Variants in MAP2 observed in about 807,000 individuals in gnomAD.
MAP2 encodes the protein microtubule-associated protein 2.
In MAP2, 14 loss-of-function variants were observed where a neutral mutation model predicts 137.6. The observed-to-expected ratio is 0.10, with a 90% CI of 0.07 to 0.16. MAP2 has a LOEUF of 0.16. Among genes scored for constraint, MAP2 ranks in the 10% least tolerant of loss-of-function variants. The pLI is 1.00. For synonymous variants in MAP2, 786 were observed against 782.3 expected, an observed-to-expected ratio of 1.00 and a Z score of -0.08; for missense variants, 2,088 against 2,191.5, an observed-to-expected ratio of 0.95 and a Z score of 0.94.
chr2:209,636,427 G>A (rs958347905), intron 4 of MAP2, among the ~76,000 whole-genome samples: 1 of 152,054 alleles, frequency 6.6e-6, no homozygotes, highest in Admixed American at 6.6e-5. Context: ...TTTTGAGCCT[G>A]TGTGTTCCTT....
At chr2:209,653,623 TC>T (rs145814695) in intron 5 of MAP2, among the ~76,000 whole-genome samples, 191 bp downstream of exon 5, 1 of 152,330 alleles carries the variant, frequency 6.6e-6, no homozygotes, top group East Asian at 1.9e-4. Context: ...TTATCTGTAT[TC>T]TCAATCCCAT....
chr2:209,618,784 T>C (rs971143031), intron 3 of MAP2, among the ~76,000 whole-genome samples: 3 of 152,150 alleles, frequency 2.0e-5, no homozygotes, highest in Non-Finnish European at 4.4e-5. Context: ...CTACTGGATA[T>C]ATATCCAAAG....
At chr2:209,683,315 C>G (rs1183069108) in intron 7 of MAP2, among the ~76,000 whole-genome samples, 1 of 152,144 alleles carries the variant, frequency 6.6e-6, no homozygotes, top group Non-Finnish European at 1.5e-5. Context: ...TCAAGCCAAA[C>G]TTGTGTTTTT....
Position 209,700,283 on chromosome 2 carries a change from G to C in MAP2, c.4529G>C (p.Gly1510Ala). Reference protein sequence around the residue: ...SCVKRKTTAAGGESALAPSVF... With the variant: ...SCVKRKTTAAAGESALAPSVF... ...TGTCTTTTATTTTCAACAGCAGCAG[G>C]TGGGGAATCAGCTCTGGCTCCCAGT... The change falls in exon 11 of 16, where the codon GGT (glycine) becomes GCT (alanine). Residue 1510 changes from glycine to alanine, a missense_variant. This residue lies in a region of MAP2 where 591 missense variants were observed against 642.6 expected (regional missense o/e 0.92). Coordinates refer to ENST00000682079, the MANE Select transcript of MAP2 (RefSeq NM_001375505.1). The C allele has an allele frequency of 1.2e-6, 2 of 1,613,274 alleles. No homozygotes were observed. The highest frequency in any genetic ancestry group is 4.5e-5 in the East Asian group (2 of 44,846).
At chr2:209,493,536 C>G (rs2059386496) in intron 1 of MAP2, among the ~76,000 whole-genome samples, 1 of 152,142 alleles carries the variant, frequency 6.6e-6, no homozygotes, top group Non-Finnish European at 1.5e-5. Context: ...GCTATCTATC[C>G]ATCTGACAAA....
chr2:209,601,128 T>G (rs1013286049), intron 3 of MAP2, among the ~76,000 whole-genome samples: 1 of 152,186 alleles, frequency 6.6e-6, no homozygotes, highest in Admixed American at 6.5e-5. Flanking sequence ...TGTAAAATAC[T>G]TAGTCAAGTG....
At chr2:209,618,566 A>G (rs886313354) in intron 3 of MAP2, among the ~76,000 whole-genome samples, 1 of 152,158 alleles carries the variant, frequency 6.6e-6, no homozygotes, top group African/African-American at 2.4e-5. Context: ...ACCTGCATTA[A>G]TTTATTCTAC....
chr2:209,500,746 C>A (rs538439300), intron 1 of MAP2, among the ~76,000 whole-genome samples: 27 of 151,956 alleles, frequency 1.8e-4, no homozygotes, highest in African/African-American at 5.3e-4. Flanking sequence ...CAAACAACAA[C>A]AAAAAAACCC....
intron 5 of MAP2, among the ~76,000 whole-genome samples, chr2:209,658,867 G>A (rs1251347076): frequency 6.6e-6 from 1 of 152,052 alleles, no homozygotes; most frequent in Non-Finnish European, 1.5e-5. Flanking sequence ...AAACTATTAT[G>A]GAAATATATA....
At chr2:209,462,699 C>T (rs1447219975) in intron 1 of MAP2, among the ~76,000 whole-genome samples, 1 of 152,080 alleles carries the variant, frequency 6.6e-6, no homozygotes, top group Non-Finnish European at 1.5e-5. Flanking sequence ...TTAAACTAAT[C>T]TAATTAGCTA....
intron 1 of MAP2, among the ~76,000 whole-genome samples, chr2:209,455,692 A>AT (rs1252813118): frequency 6.6e-6 from 1 of 152,182 alleles, no homozygotes; most frequent in Non-Finnish European, 1.5e-5. Flanking sequence ...ATATAAATAA[A>AT]TTTTTTAAGG....
At chr2:209,467,735 ACT>A (rs1305620112) in intron 1 of MAP2, among the ~76,000 whole-genome samples, 2 of 152,132 alleles carry the variant, frequency 1.3e-5, no homozygotes, top group African/African-American at 4.8e-5. Context: ...AAGAGCATGG[ACT>A]CTGCAGACAG....
chr2:209,638,522 ACGTTACTTATATATGACTAAT>A (rs1242765278), intron 4 of MAP2, among the ~76,000 whole-genome samples: 1 of 152,172 alleles, frequency 6.6e-6, no homozygotes, highest in African/African-American at 2.4e-5. Flanking sequence ...TATGACTCAT[ACGTTACTTATATATGACTAAT>A]ATTTACCTTT....
rs746843048 is a variant in MAP2 at position 209,695,166 on chromosome 2, C to G, written c.2996C>G (p.Ala999Gly). Residue 999 changes from alanine (A) to glycine (G), a missense_variant, in exon 8 of 16, where the codon GCT becomes GGT. By Grantham distance (60) the Ala-to-Gly change is moderately conservative. Around this residue, in one of 6 missense-constraint regions of MAP2, gnomAD observed 500 missense variants for 482.9 expected, o/e 1.04. Coordinates refer to ENST00000682079, the MANE Select transcript of MAP2 (RefSeq NM_001375505.1). Reference protein sequence around the residue: ...TFGLGVTYEQALAKDLSIPTD... With the variant: ...TFGLGVTYEQGLAKDLSIPTD... ...GGATTAGGAGTAACCTATGAGCAAG[C>G]TTTGGCCAAAGATTTGTCAATACCA... is the stretch of plus-strand genomic sequence containing the variant. 6 of 1,614,146 alleles carry G rather than the reference C, an allele frequency of 3.7e-6. No homozygotes were observed. Among genetic ancestry groups the G allele is most frequent in the East Asian group, 2.2e-5 (1 of 44,870 alleles).
intron 2 of MAP2, among the ~76,000 whole-genome samples, chr2:209,565,633 T>A (rs2073236056): frequency 6.6e-6 from 1 of 152,198 alleles, no homozygotes; most frequent in Non-Finnish European, 1.5e-5. Flanking sequence ...TATCCAAAGT[T>A]TTTTTCTTTT....
intron 4 of MAP2, among the ~76,000 whole-genome samples, chr2:209,645,487 A>G: frequency 6.6e-6 from 1 of 152,178 alleles, no homozygotes; most frequent in East Asian, 1.9e-4. Context: ...TATTCCAACA[A>G]ATCAGATTTT....
Position 209,696,137 on chromosome 2 carries a change from C to T in MAP2, c.3967C>T (p.Pro1323Ser). ...AGAGCAGCCTGAGGTGGAAAGGAGACCATCTCCTCATGATGAAGAAGAGTT... is the reference window on the plus strand; with the variant it reads ...AGAGCAGCCTGAGGTGGAAAGGAGATCATCTCCTCATGATGAAGAAGAGTT... ...ALEQPEVERR[P>S]SPHDEEEFEV... is the part of the protein sequence containing the mutation. The change falls in exon 8 of 16, where the codon CCA (proline) becomes TCA (serine). Residue 1323 changes from proline to serine, a missense_variant. Pro to Ser is a moderately conservative substitution (Grantham distance 74). Coordinates refer to ENST00000682079, the MANE Select transcript of MAP2 (RefSeq NM_001375505.1). 7 of 1,612,960 alleles carry T rather than the reference C, an allele frequency of 4.3e-6. No homozygotes were observed. In the South Asian group the frequency reaches 6.6e-5, roughly 15 times the overall value.
intron 7 of MAP2, among the ~76,000 whole-genome samples, chr2:209,682,524 A>T (rs1450207687): frequency 1.3e-5 from 2 of 152,114 alleles, no homozygotes; most frequent in Admixed American, 6.6e-5. Context: ...TATCTAGTGG[A>T]GAACAGAAAT....
rs571400417 is a variant in MAP2 at position 209,449,833 on chromosome 2, TGC to T, written c.-222+25558_-222+25559del. Reference sequence around the variant, plus strand: ...ATTGAAGGTTAGTGACACTTTTTATTGCTGTGTGTTGCAGGAGTATACTTGTA... The same window carrying T: ...ATTGAAGGTTAGTGACACTTTTTATTTGTGTGTTGCAGGAGTATACTTGTA... On this transcript the variant is annotated intron_variant, in intron 1 of 15. Coordinates refer to ENST00000682079, the MANE Select transcript of MAP2 (RefSeq NM_001375505.1). Among the ~76,000 whole-genome samples the T allele has an allele frequency of 6.1e-4, 93 of 152,334 alleles. 1 individual carries two copies. The highest frequency in any genetic ancestry group is 2.1e-3 in the African/African-American group (88 of 41,586).
Sources: allele counts gnomAD v4.1 joint callset (sites outside exome capture counted in the v4.1 genomes callset), GRCh38; gene constraint gnomAD v4.1.1; regional missense constraint gnomAD v4.1.1; transcripts MANE v1.5; gene names NCBI Gene and HGNC (gene_info 2026-07-23, HGNC 2026-07-21).